The following VPS13B variants were observed in gnomAD, a reference collection of about 807,000 sequenced individuals.
VPS13B encodes vacuolar protein sorting 13 homolog B.
In VPS13B, 285 loss-of-function variants were observed where a neutral mutation model predicts 426.4. That is an observed-to-expected ratio of 0.67 (90% CI 0.61 to 0.74). The LOEUF is 0.74. Ranked by LOEUF, VPS13B falls within the 30% of genes least tolerant of loss-of-function variation. The probability of loss-of-function intolerance (pLI) is 0.00; values close to 1 mark genes in which losing one functional copy is unlikely to be tolerated. For missense variants in VPS13B, 4,537 were observed against 4,782.6 expected (o/e 0.95, Z 1.51); for synonymous variants, 1,676 against 1,676.4 (o/e 1.00, Z 0.01).
At position 99,484,143 on chromosome 8, in the gene VPS13B, C is replaced by T. The variant is rs183042514; in HGVS notation, c.3870+2341C>T. On this transcript the variant is annotated intron_variant, in intron 25 of 61. Coordinates refer to ENST00000357162, the MANE Select transcript of VPS13B (RefSeq NM_152564.5). ...ATAATACATACTAGAAGAATAGTAT[C>T]TTCATCAGCCAAAGTGAAGAAGTTA... 2.3e-3 allele frequency among the ~76,000 whole-genome samples: 343 copies of T among 151,998 alleles called. 2 individuals carry two copies. Among genetic ancestry groups the T allele is most frequent in the African/African-American group, 7.9e-3 (329 of 41,496 alleles).
intron 43 of VPS13B, among the ~76,000 whole-genome samples, chr8:99,787,470 TTGAATA>T (rs1812326067): frequency 6.6e-6 from 1 of 152,202 alleles, no homozygotes; most frequent in Non-Finnish European, 1.5e-5. Flanking sequence ...TAGGGAATAA[TTGAATA>T]TATTCAGCTG....
intron 36 of VPS13B, among the ~76,000 whole-genome samples, chr8:99,714,739 A>G (rs569781309): frequency 6.6e-6 from 1 of 152,322 alleles, no homozygotes; most frequent in South Asian, 2.1e-4. Context: ...ATAAACCCCA[A>G]CAGACAGACA....
intron 17 of VPS13B, among the ~76,000 whole-genome samples, chr8:99,242,423 G>A (rs964075424): frequency 1.3e-5 from 2 of 152,006 alleles, no homozygotes; most frequent in Non-Finnish European, 2.9e-5. Context: ...TTATCAGAAT[G>A]GTTATATTTG....
At position 99,809,371 on chromosome 8, in the gene VPS13B, C is replaced by G. The variant is rs762089861; in HGVS notation, c.7942-4C>G. ...ATTATGACGATTATTGTTTTTTTCT[C>G]CAGCTGTTACACATCTGTATTGAAG... On this transcript the variant is annotated splice_region_variant and splice_polypyrimidine_tract_variant and intron_variant, in intron 43 of 61. Transcript: ENST00000357162. 4 of 1,613,616 alleles carry G rather than the reference C, an allele frequency of 2.5e-6. No homozygotes were observed. The highest frequency in any genetic ancestry group is 3.4e-6 in the Non-Finnish European group (4 of 1,179,892).
chr8:99,774,067 T>C (rs183299713), intron 40 of VPS13B, among the ~76,000 whole-genome samples: 14 of 152,302 alleles, frequency 9.2e-5, no homozygotes, highest in Non-Finnish European at 1.3e-4. Flanking sequence ...GGTAAACACA[T>C]ACATGCTACT....
At chr8:99,297,832 A>G (rs1319131054) in intron 19 of VPS13B, among the ~76,000 whole-genome samples, 1 of 152,186 alleles carries the variant, frequency 6.6e-6, no homozygotes, top group African/African-American at 2.4e-5. Context: ...CTATGCCACT[A>G]AATACAGTTT....
chr8:99,262,097 G>A (rs534625193), intron 17 of VPS13B, among the ~76,000 whole-genome samples: 2 of 152,128 alleles, frequency 1.3e-5, no homozygotes, highest in African/African-American at 2.4e-5. Context: ...GGGGTAGAAC[G>A]ATGAAAATTA....
At chr8:99,781,419 G>A (rs1273710396) in intron 42 of VPS13B, among the ~76,000 whole-genome samples, 2 of 152,140 alleles carry the variant, frequency 1.3e-5, no homozygotes, top group African/African-American at 2.4e-5. Flanking sequence ...AAACTTAAAT[G>A]TGGATAAGCC....
intron 21 of VPS13B, among the ~76,000 whole-genome samples, chr8:99,398,580 T>C (rs964088855): frequency 6.6e-6 from 1 of 152,010 alleles, no homozygotes; most frequent in African/African-American, 2.4e-5. Context: ...TGTATAGCAA[T>C]AGAGATGTAA....
rs187543225 is a variant in VPS13B at position 99,303,050 on chromosome 8, G to A, written c.2824+27796G>A. 6.3e-3 allele frequency among the ~76,000 whole-genome samples: 952 copies of A among 151,932 alleles called. 8 individuals are homozygous for A. The highest frequency in any genetic ancestry group is 0.022 in the African/African-American group (894 of 41,502). ...AATCCCAGCACTTTGGGAGGCCAAG[G>A]CGGGCGGATCATGAGGTCAGGAGAT... On this transcript the variant is annotated intron_variant, in intron 19 of 61. Transcript: ENST00000357162.
At chr8:99,530,236 T>A (rs1018327449) in intron 30 of VPS13B, among the ~76,000 whole-genome samples, 1 of 152,230 alleles carries the variant, frequency 6.6e-6, no homozygotes, top group African/African-American at 2.4e-5. Flanking sequence ...ATAATCATTT[T>A]CTTAGAAGTA....
chr8:99,183,074 A>G (rs552091109), intron 16 of VPS13B, among the ~76,000 whole-genome samples: 3 of 152,124 alleles, frequency 2.0e-5, no homozygotes, highest in Non-Finnish European at 4.4e-5. Context: ...CCGTCATGGA[A>G]AAAAAAGAGG....
At chr8:99,162,305 G>A (rs146000773) in intron 15 of VPS13B, among the ~76,000 whole-genome samples, 2 of 152,250 alleles carry the variant, frequency 1.3e-5, no homozygotes, top group African/African-American at 2.4e-5. Context: ...TAGAGGATTC[G>A]TGTGTTTGGC....
chr8:99,168,351 C>A lies in VPS13B; in HGVS notation c.2209-1688C>A, dbSNP rs1259271468. On this transcript the variant is annotated intron_variant, in intron 15 of 61. Transcript: ENST00000357162. ...GGGGATCTCGTCTACACCCAATTTCCTTCTGAGTACAGTTGGTAGATAGTG... is the reference window on the plus strand; with the variant it reads ...GGGGATCTCGTCTACACCCAATTTCATTCTGAGTACAGTTGGTAGATAGTG... 2.6e-5 allele frequency among the ~76,000 whole-genome samples: 4 copies of A among 152,058 alleles called. No individual in the cohort carries two copies. In the South Asian group the frequency reaches 8.3e-4, roughly 32 times the overall value.
intron 8 of VPS13B, among the ~76,000 whole-genome samples, chr8:99,134,045 G>C (rs1458823689): frequency 1.3e-5 from 2 of 152,124 alleles, no homozygotes; most frequent in Non-Finnish European, 2.9e-5. Context: ...ATACAATGAG[G>C]TTCGCCCCTA....
chr8:99,833,292 T>G (rs985894667), intron 52 of VPS13B, among the ~76,000 whole-genome samples: 1 of 152,232 alleles, frequency 6.6e-6, no homozygotes, highest in African/African-American at 2.4e-5. Context: ...TGTGGTTGTC[T>G]TGCATGTAAA....
At chr8:99,165,164 A>G (rs1434333508) in intron 15 of VPS13B, among the ~76,000 whole-genome samples, 1 of 152,208 alleles carries the variant, frequency 6.6e-6, no homozygotes, top group East Asian at 1.9e-4. Flanking sequence ...ATATTATGTC[A>G]CATACTATCA....
intron 23 of VPS13B, among the ~76,000 whole-genome samples, chr8:99,454,517 G>C (rs1433530365): frequency 6.6e-6 from 1 of 152,096 alleles, no homozygotes; most frequent in Non-Finnish European, 1.5e-5. Context: ...GGATGTACTA[G>C]AGTTTATCCA....
At chr8:99,669,322 A>G (rs1238349503) in intron 35 of VPS13B, among the ~76,000 whole-genome samples, 2 of 152,156 alleles carry the variant, frequency 1.3e-5, no homozygotes, top group Non-Finnish European at 2.9e-5. Context: ...GAAATGGTGC[A>G]GATTTTTCTA....
Sources: gnomAD v4.1 joint callset for allele counts (sites outside exome capture counted in the v4.1 genomes callset) on GRCh38, gnomAD v4.1.1 for gene constraint, MANE v1.5 for transcripts, NCBI Gene and HGNC (gene_info 2026-07-23, HGNC 2026-07-21) for gene names.